The following KCNE3 variants were observed in gnomAD, a reference collection of about 807,000 sequenced individuals.
The protein encoded by KCNE3 is potassium voltage-gated channel subfamily E member 3.
A neutral mutation model predicts 4.3 loss-of-function variants in KCNE3; 2 were observed. The observed-to-expected ratio is 0.47, with a 90% confidence interval of 0.19 to 1.48. The LOEUF is 1.48. KCNE3 is among the 40% of genes most tolerant of loss of function. The pLI is 0.25. For synonymous variants in KCNE3, 47 were observed against 52.0 expected (o/e 0.90, Z 0.41); for missense variants, 128 against 136.8 (o/e 0.94, Z 0.32).
At position 74,467,031 on chromosome 11, in the gene KCNE3, C is replaced by A. The variant is rs1472648266; in HGVS notation, c.-190+367G>T. ...GAGACTGTGCTGGGTCCTGAAATGT[C>A]GTTTCTGCGTGTGCACTGGCTGCCA... is the stretch of plus-strand genomic sequence containing the variant. On this transcript the variant is annotated intron_variant, in intron 1 of 2. Coordinates refer to ENST00000310128, the MANE Select transcript of KCNE3 (RefSeq NM_005472.5). The surrounding 1 kb of genome is among the most constrained non-coding windows in gnomAD (Gnocchi z 4.4). Among the ~76,000 whole-genome samples, 1 of 152,186 alleles carries A rather than the reference C, an allele frequency of 6.6e-6. No homozygotes were observed. Among genetic ancestry groups the A allele is most frequent in the African/African-American group, 2.4e-5 (1 of 41,444 alleles).
At position 74,467,193 on chromosome 11, in the gene KCNE3, C is replaced by T. The variant is rs1474957314; in HGVS notation, c.-190+205G>A. Among the ~76,000 whole-genome samples the T allele has an allele frequency of 1.3e-5, 2 of 152,170 alleles. No homozygotes were observed. Among genetic ancestry groups the T allele is most frequent in the East Asian group, 3.9e-4 (2 of 5,176 alleles). ...GAGCCCAGCTCCCTACTCCCACATG[C>T]TGCTCCACGATCACTGCGCTCGGGA... On this transcript the variant is annotated intron_variant, in intron 1 of 2. Coordinates refer to ENST00000310128, the MANE Select transcript of KCNE3 (RefSeq NM_005472.5). The surrounding 1 kb of genome is among the most constrained non-coding windows in gnomAD (Gnocchi z 4.4).
chr11:74,460,397 G>A (rs539487126), intron 2 of KCNE3, among the ~76,000 whole-genome samples: 21 of 152,332 alleles, frequency 1.4e-4, no homozygotes, highest in East Asian at 1.3e-3. Flanking sequence ...ATGGGAGTTC[G>A]GGGTGGCTCA....
Position 74,455,714 on chromosome 11 carries a change from A to C in KCNE3, c.*1538T>G, listed in dbSNP as rs1446918308. The C allele has an allele frequency of 1.4e-5, 2 of 146,502 alleles. No individual in the cohort carries two copies. The highest frequency in any genetic ancestry group is 6.7e-5 in the Admixed American group (1 of 15,020). The allele number at this position is 146,502 out of a possible 1,614,324, so 9.1% of individuals were successfully genotyped here. A position where few individuals can be genotyped will look rare whatever the true frequency, so the allele number is the denominator to read the frequency against. On this transcript the variant is annotated 3_prime_UTR_variant, in exon 3 of 3. Transcript: ENST00000310128. ...ATAATAATAATTTAGGTGCGATATC[A>C]GTCTTTTTTGTTTTTGTTTTTGTTT...
At chr11:74,459,796 C>T (rs921083424) in intron 2 of KCNE3, among the ~76,000 whole-genome samples, 1 of 152,118 alleles carries the variant, frequency 6.6e-6, no homozygotes, top group Non-Finnish European at 1.5e-5. Flanking sequence ...GTCTGGTCAG[C>T]AGGGCTATGT....
Position 74,454,844 on chromosome 11 carries a change from C to A in KCNE3, c.*2408G>T, listed in dbSNP as rs1863774320. 1 of 152,222 alleles carries A rather than the reference C, an allele frequency of 6.6e-6. No individual in the cohort carries two copies. Among genetic ancestry groups the A allele is most frequent in the Non-Finnish European group, 1.5e-5 (1 of 68,048 alleles). The allele number at this position is 152,222 out of a possible 1,614,324, so 9.4% of individuals were successfully genotyped here. A position where few individuals can be genotyped will look rare whatever the true frequency, so the allele number is the denominator to read the frequency against. On this transcript the variant is annotated 3_prime_UTR_variant, in exon 3 of 3. Transcript: ENST00000310128. The stretch of plus-strand genomic sequence containing the variant: ...AACCATTCATTCTTACACCCAATTG[C>A]GTTCCATATTTTATTTGGAAGTTTG...
At chr11:74,458,537 A>C (rs937290688) in intron 2 of KCNE3, among the ~76,000 whole-genome samples, 2 of 152,228 alleles carry the variant, frequency 1.3e-5, no homozygotes, top group African/African-American at 4.8e-5. Context: ...AGTTCTCTTT[A>C]GACTGCACAG....
chr11:74,465,416 G>C (rs894326773), intron 1 of KCNE3, among the ~76,000 whole-genome samples: 8 of 152,150 alleles, frequency 5.3e-5, no homozygotes, highest in African/African-American at 1.4e-4. Flanking sequence ...CAGTCAGGTG[G>C]GGTGAGTCAG....
intron 1 of KCNE3, among the ~76,000 whole-genome samples, chr11:74,466,957 A>C (rs1864069407): frequency 6.6e-6 from 1 of 152,218 alleles, no homozygotes; most frequent in Admixed American, 6.5e-5. Context: ...AGTGAGGTGT[A>C]GAGGGAATGG....
At chr11:74,466,528 G>A (rs1489238323) in intron 1 of KCNE3, among the ~76,000 whole-genome samples, 1 of 152,162 alleles carries the variant, frequency 6.6e-6, no homozygotes. Context: ...AGGAAACTTG[G>A]GTTCTAATTC....
chr11:74,465,102 C>CTGTGTG (rs143869592), intron 1 of KCNE3, among the ~76,000 whole-genome samples: 28,608 of 150,018 alleles, frequency 0.19, 3,298 homozygotes, highest in Non-Finnish European at 0.26. Flanking sequence ...TACTGAAACT[C>CTGTGTG]TGTGTGTGTG....
At position 74,456,775 on chromosome 11, in the gene KCNE3, CCTG is replaced by C. The variant is rs1252885765; in HGVS notation, c.*474_*476del. 8.9e-6 allele frequency: 2 copies of C among 225,338 alleles called. No individual in the cohort carries two copies. The highest frequency in any genetic ancestry group is 1.0e-4 in the Admixed American group (2 of 19,130). 14.0% of individuals were successfully genotyped at this position (225,338 alleles called of 1,614,324 possible). The stretch of plus-strand genomic sequence containing the variant: ...CCCAAATGGGCAGCACAGCACTTGC[CCTG>C]CTTTCTTCACGGGAGCGGGGGCAGG... On this transcript the variant is annotated 3_prime_UTR_variant, in exon 3 of 3. Coordinates refer to ENST00000310128, the MANE Select transcript of KCNE3 (RefSeq NM_005472.5).
At chr11:74,458,956 A>G (rs1863883967) in intron 2 of KCNE3, among the ~76,000 whole-genome samples, 1 of 152,210 alleles carries the variant, frequency 6.6e-6, no homozygotes. Context: ...CCTGTGTCCC[A>G]AAGACTAGAT....
In KCNE3 at chr11:74,456,179, T is replaced by TATATATATATATATATATATATAA; in HGVS notation, c.*1072_*1073insTTATATATATATATATATATATAT. 8.0e-6 allele frequency: 1 copy of TATATATATATATATATATATATAA among 124,512 alleles called. No individual in the cohort carries two copies. The highest frequency in any genetic ancestry group is 2.9e-4 in the East Asian group (1 of 3,494). The allele number at this position is 124,512 out of a possible 1,614,324, so 7.7% of individuals were successfully genotyped here. Reference sequence around the variant, plus strand: ...AAATATATATATATATATATATATATAAATTAACTGGGTGTGGTGACAGGA... The same window carrying TATATATATATATATATATATATAA: ...AAATATATATATATATATATATATATATATATATATATATATATATATAAAAATTAACTGGGTGTGGTGACAGGA... On this transcript the variant is annotated 3_prime_UTR_variant, in exon 3 of 3. Transcript: ENST00000310128.
intron 1 of KCNE3, chr11:74,464,370 G>A (rs1864017079): frequency 6.6e-6 from 1 of 152,252 alleles, no homozygotes; most frequent in Admixed American, 6.5e-5. Flanking sequence ...GTCACATAAA[G>A]CAGGTAGGTG....
At chr11:74,458,570 C>T (rs951096750) in intron 2 of KCNE3, among the ~76,000 whole-genome samples, 4 of 152,332 alleles carry the variant, frequency 2.6e-5, no homozygotes, top group East Asian at 3.9e-4. Context: ...CAGTGGCTCA[C>T]GCCTGTAATC....
Position 74,456,329 on chromosome 11 carries a change from CAAAAA to C in KCNE3, c.*918_*922del, listed in dbSNP as rs60016728. 1 of 120,712 alleles carries C rather than the reference CAAAAA, an allele frequency of 8.3e-6. No homozygotes were observed. Among genetic ancestry groups the C allele is most frequent in the African/African-American group, 3.2e-5 (1 of 31,390 alleles). The allele number at this position is 120,712 out of a possible 1,614,324, so 7.5% of individuals were successfully genotyped here. ...CCTGGGTGACATAGGGAGACTGTCT[CAAAAA>C]AAAAAAAAGAAAAGAAAAGAAAAGA... On this transcript the variant is annotated 3_prime_UTR_variant, in exon 3 of 3. Coordinates refer to ENST00000310128, the MANE Select transcript of KCNE3 (RefSeq NM_005472.5).
At chr11:74,463,526 T>G (rs984622893) in intron 1 of KCNE3, among the ~76,000 whole-genome samples, 2 of 152,110 alleles carry the variant, frequency 1.3e-5, no homozygotes, top group African/African-American at 4.8e-5. Context: ...GGCTTCCCTG[T>G]CCAGGAGAGT....
rs977060275 is a variant in KCNE3, at chr11:74,467,211, G to A, written c.-190+187C>T. Among the ~76,000 whole-genome samples, 1 of 150,026 alleles carries A rather than the reference G, an allele frequency of 6.7e-6. No individual in the cohort carries two copies. The highest frequency in any genetic ancestry group is 2.5e-5 in the African/African-American group (1 of 39,474). On this transcript the variant is annotated intron_variant, in intron 1 of 2. Transcript: ENST00000310128. This position sits in a 1 kb window ranked among gnomAD's most constrained non-coding sequence, Gnocchi z 4.4. ...CCACATGCTGCTCCACGATCACTGCGCTCGGGAGGATCGGGGAGGATCCGG... is the reference window on the plus strand; with the variant it reads ...CCACATGCTGCTCCACGATCACTGCACTCGGGAGGATCGGGGAGGATCCGG...
intron 1 of KCNE3, among the ~76,000 whole-genome samples, chr11:74,466,563 G>C (rs1357091343): frequency 6.6e-6 from 1 of 152,174 alleles, no homozygotes; most frequent in Non-Finnish European, 1.5e-5. Flanking sequence ...TGTAACCTTA[G>C]GTAAATCATC....
Sources: gnomAD v4.1 joint callset for allele counts (sites outside exome capture counted in the v4.1 genomes callset) on GRCh38, gnomAD v4.1.1 for gene constraint, Gnocchi (gnomAD v3.1) non-coding constraint, MANE v1.5 for transcripts, NCBI Gene and HGNC (gene_info 2026-07-23, HGNC 2026-07-21) for gene names.